The following CC2D2B variants were observed in gnomAD, a reference collection of about 807,000 sequenced individuals.
CC2D2B encodes the protein protein CC2D2B.
A neutral mutation model predicts 161.2 loss-of-function variants in CC2D2B; 128 were observed. That is an observed-to-expected ratio of 0.79 (90% CI 0.69 to 0.92). The LOEUF is 0.92. CC2D2B is among the 40% of genes least tolerant of loss of function. The pLI is 0.00. For missense variants in CC2D2B, 1,173 were observed against 1,375.1 expected (o/e 0.85, Z 2.32); for synonymous variants, 391 against 449.8 (o/e 0.87, Z 1.65).
intron 1 of CC2D2B, among the ~76,000 whole-genome samples, chr10:95,908,418 G>A (rs934461240): frequency 6.6e-6 from 1 of 152,164 alleles, no homozygotes; most frequent in Non-Finnish European, 1.5e-5. Context: ...ACAAAAATTC[G>A]CATTATGAAC....
At chr10:95,920,446 G>A (rs2098524671) in intron 2 of CC2D2B, 1 of 151,888 alleles carries the variant, frequency 6.6e-6, no homozygotes, top group Non-Finnish European at 1.5e-5. Flanking sequence ...CAGCATGGGG[G>A]AAACCACCCC....
intron 17 of CC2D2B, among the ~76,000 whole-genome samples, chr10:95,980,706 T>C (rs2077485161): frequency 6.6e-6 from 1 of 152,306 alleles, no homozygotes; most frequent in East Asian, 1.9e-4. Context: ...ATACCACACA[T>C]TGGCTTTTGC....
intron 24 of CC2D2B, among the ~76,000 whole-genome samples, chr10:95,998,199 G>A (rs2078307432): frequency 1.3e-5 from 2 of 151,882 alleles, no homozygotes; most frequent in South Asian, 2.1e-4. Context: ...CACACACACA[G>A]CTCCCTCAGC....
chr10:96,030,228 C>T (rs1350595865), intron 34 of CC2D2B, among the ~76,000 whole-genome samples: 1 of 152,040 alleles, frequency 6.6e-6, no homozygotes, highest in Non-Finnish European at 1.5e-5. Context: ...TTCAGCCAGG[C>T]CACTGACATC....
In CC2D2B at chr10:95,965,992, A is replaced by C; in HGVS notation, c.1347A>C (p.Lys449Asn). ...GAAAAGAACTTAAGAATGGGAAAAAACTGGAGGTATTTATATTGCAAAATA... is the reference window on the plus strand; with the variant it reads ...GAAAAGAACTTAAGAATGGGAAAAACCTGGAGGTATTTATATTGCAAAATA... ...NEGKELKNGKKLESLSYLASD... is the reference protein window; with the variant it reads ...NEGKELKNGKNLESLSYLASD... The change falls in exon 13 of 35, where the codon AAA becomes AAC. Residue 449 changes from lysine to asparagine, a missense_variant. Physicochemically the swap from Lys to Asn is moderately conservative, Grantham distance 94. Around this residue, in one of 3 missense-constraint regions of CC2D2B, gnomAD observed 277 missense variants for 420.6 expected, o/e 0.66. Coordinates refer to ENST00000646931, the MANE Select transcript of CC2D2B (RefSeq NM_001349008.3). 1 of 1,148,696 alleles carries C rather than the reference A, an allele frequency of 8.7e-7. No individual in the cohort carries two copies. The highest frequency in any genetic ancestry group is 1.1e-6 in the Non-Finnish European group (1 of 912,304). 71.2% of individuals were successfully genotyped at this position (1,148,696 alleles called of 1,614,324 possible).
intron 30 of CC2D2B, among the ~76,000 whole-genome samples, chr10:96,018,052 T>C (rs576792432): frequency 4.1e-4 from 63 of 152,344 alleles, no homozygotes; most frequent in Middle Eastern, 3.4e-3. Flanking sequence ...ACAGGCTCTT[T>C]TGACAAGGCT....
In CC2D2B at chr10:95,910,389, C is replaced by A. The variant is rs144176162; in HGVS notation, c.-23-912C>A. Among the ~76,000 whole-genome samples, 20 of 152,218 alleles carry A rather than the reference C, an allele frequency of 1.3e-4. No individual in the cohort carries two copies. In the East Asian group the frequency reaches 3.9e-3, roughly 29 times the overall value. ...TAACATCTGCTTCTGGTGAGGGCAT[C>A]AGGGAGCTTACAATCATGGTGGAAG... On this transcript the variant is annotated intron_variant, in intron 1 of 34. Transcript: ENST00000646931.
intron 12 of CC2D2B, among the ~76,000 whole-genome samples, chr10:95,965,418 AGT>A (rs2076906250): frequency 6.6e-6 from 1 of 152,258 alleles, no homozygotes; most frequent in African/African-American, 2.4e-5. Flanking sequence ...CAGTGGCAAT[AGT>A]GCTAATGCCA....
chr10:95,928,134 C>T (rs1027347045), intron 6 of CC2D2B, among the ~76,000 whole-genome samples: 1 of 152,124 alleles, frequency 6.6e-6, no homozygotes, highest in Non-Finnish European at 1.5e-5. Flanking sequence ...CCCCATTTGC[C>T]TTCCTACTTC....
At chr10:95,948,084 C>T (rs2076283783) in intron 9 of CC2D2B, among the ~76,000 whole-genome samples, 1 of 152,134 alleles carries the variant, frequency 6.6e-6, no homozygotes, top group Non-Finnish European at 1.5e-5. Flanking sequence ...TCCACTCCAC[C>T]AGCACACAAT....
chr10:95,923,268 T>TGTGA (rs1467370913), intron 3 of CC2D2B, among the ~76,000 whole-genome samples: 61 of 150,900 alleles, frequency 4.0e-4, no homozygotes, highest in African/African-American at 1.4e-3. Context: ...TGTGTGTGTG[T>TGTGA]GGAGACAGGG....
rs974273402 is a variant in CC2D2B, at chr10:95,972,295, A to G, written c.1795+79A>G. 16 of 869,180 alleles carry G rather than the reference A, an allele frequency of 1.8e-5. No individual in the cohort carries two copies. In the Admixed American group the frequency reaches 2.6e-4, roughly 14 times the overall value. The allele number at this position is 869,180 out of a possible 1,614,324, so 53.8% of individuals were successfully genotyped here. ...TCCTAAGTGACCCTGGCTCACTCAC[A>G]TAAGTACAAAATCCTGTATTTACAA... On this transcript the variant is annotated intron_variant, in intron 16 of 34. Transcript: ENST00000646931.
chr10:95,947,113 A>ATATTTTTTTTTTTTT (rs1289243570), intron 9 of CC2D2B, among the ~76,000 whole-genome samples: 1 of 48,374 alleles, frequency 2.1e-5, no homozygotes, highest in Non-Finnish European at 3.6e-5. Context: ...ATATATATAT[A>ATATTTTTTTTTTTTT]TTTTTTTTTT....
chr10:95,988,452 C>T (rs1243951531), intron 20 of CC2D2B, 110 bp downstream of exon 20: 3 of 418,774 alleles, frequency 7.2e-6, no homozygotes, highest in African/African-American at 6.1e-5. Context: ...AATCCACTCA[C>T]TCGTCACCTC....
intron 33 of CC2D2B, among the ~76,000 whole-genome samples, chr10:96,026,337 G>C (rs978708079): frequency 3.3e-4 from 51 of 152,242 alleles, no homozygotes; most frequent in African/African-American, 1.2e-3. Context: ...TGTTCTAGGG[G>C]CTGGATATAT....
intron 33 of CC2D2B, among the ~76,000 whole-genome samples, chr10:96,025,263 A>G (rs1266635318): frequency 3.3e-5 from 4 of 121,208 alleles, no homozygotes; most frequent in South Asian, 2.9e-4. Context: ...AGTGACTAAG[A>G]GGGGGAGGAT....
chr10:95,924,183 C>A, intron 3 of CC2D2B, 131 bp from the exon 4 acceptor site: 1 of 486,188 alleles, frequency 2.1e-6, no homozygotes, highest in Non-Finnish European at 3.7e-6. Flanking sequence ...AAGATAATAA[C>A]CTAGTTTTCA....
chr10:95,973,379 C>G (rs1433935100), intron 16 of CC2D2B, among the ~76,000 whole-genome samples: 1 of 152,174 alleles, frequency 6.6e-6, no homozygotes, highest in Non-Finnish European at 1.5e-5. Context: ...TTGCTGGCCT[C>G]TTTTTCTGCT....
intron 9 of CC2D2B, among the ~76,000 whole-genome samples, chr10:95,944,565 C>A (rs2076131797): frequency 6.6e-6 from 1 of 152,118 alleles, no homozygotes; most frequent in African/African-American, 2.4e-5. Context: ...GGGATCATTG[C>A]TTTTAGGAGA....
Sources: gnomAD v4.1 joint callset for allele counts (sites outside exome capture counted in the v4.1 genomes callset) on GRCh38, gnomAD v4.1.1 for gene constraint, gnomAD v4.1.1 regional missense constraint, MANE v1.5 for transcripts, NCBI Gene and HGNC (gene_info 2026-07-23, HGNC 2026-07-21) for gene names.